Variants in SPEG observed in about 807,000 individuals in gnomAD.
SPEG encodes the protein striated muscle preferentially expressed protein kinase.
SPEG carries 114 observed loss-of-function variants against 300.4 expected under a neutral mutation model. That is an observed-to-expected ratio of 0.38 (90% confidence interval 0.33 to 0.44). SPEG has a LOEUF of 0.44. Ranked by LOEUF, SPEG falls within the 20% of genes least tolerant of loss-of-function variation. The pLI is 1.00. For missense variants in SPEG, 4,201 were observed against 4,586.2 expected (o/e 0.92, Z 2.43); for synonymous variants, 1,964 against 2,018.9 (o/e 0.97, Z 0.73).
rs1692017105 is a variant in SPEG at position 219,472,954 on chromosome 2, G to T, written c.4005G>T (p.Leu1335=). ...TGGGCTCGGACCAGTGGACGGCACT[G>T]GTCACAGGCCTGCGGGAGCCAGGGT... ...QVLGSDQWTA[L]VTGLREPGWA... is the part of the protein sequence containing the mutation. The change falls in exon 16 of 41, where the codon CTG becomes CTT. Residue 1335 remains leucine (L), a synonymous_variant. Coordinates refer to ENST00000312358, the MANE Select transcript of SPEG (RefSeq NM_005876.5). 3 of 1,613,720 alleles carry T rather than the reference G, an allele frequency of 1.9e-6. No homozygotes were observed. The highest frequency in any genetic ancestry group is 2.5e-6 in the Non-Finnish European group (3 of 1,180,006).
chr2:219,490,054 A>G, intron 36 of SPEG, 115 bp downstream of exon 36: 1 of 1,235,214 alleles, frequency 8.1e-7, no homozygotes. Flanking sequence ...AGGTGCTGAG[A>G]CCTGGGTTAT....
chr2:219,448,915 C>T lies in SPEG; in HGVS notation c.1757C>T (p.Pro586Leu), dbSNP rs890086925. 3 of 1,468,220 alleles carry T rather than the reference C, an allele frequency of 2.0e-6. No homozygotes were observed. The highest frequency in any genetic ancestry group is 1.5e-5 in the African/African-American group (1 of 67,694). The allele number at this position is 1,468,220 out of a possible 1,614,324, so 90.9% of individuals were successfully genotyped here. A position where few individuals can be genotyped will look rare whatever the true frequency, so the allele number is the denominator to read the frequency against. The part of the protein sequence containing the change: ...PAGRTEPGEG[P>L]QQEVRRRDQF... ...GGCAGGACAGAGCCGGGGGAAGGCC[C>T]GCAGCAGGAGGTTAGGCGTCGGGAC... Residue 586 changes from proline (P) to leucine (L), a missense_variant, in exon 4 of 41, where the codon CCG (proline) becomes CTG (leucine). By Grantham distance (98) the Pro-to-Leu change is moderately conservative (BLOSUM62 -3). This residue lies in a region of SPEG where 1,258 missense variants were observed against 1,293.9 expected (regional missense o/e 0.97). Transcript: ENST00000312358.
rs778394831 is a variant in SPEG, at chr2:219,448,422, G to A, written c.1264G>A (p.Ala422Thr). 6 of 1,522,574 alleles carry A rather than the reference G, an allele frequency of 3.9e-6. No homozygotes were observed. The South Asian group carries it at 4.9e-5, about 12-fold the overall frequency. 94.3% of individuals were successfully genotyped at this position (1,522,574 alleles called of 1,614,324 possible). The change falls in exon 4 of 41, where the codon GCG becomes ACG. Residue 422 changes from alanine to threonine, a missense_variant. This residue lies in a region of SPEG where 1,258 missense variants were observed against 1,293.9 expected (regional missense o/e 0.97). Coordinates refer to ENST00000312358, the MANE Select transcript of SPEG (RefSeq NM_005876.5). ...CCTGGAGCGCAGCGACTCGCCGCCG[G>A]CGCCCCTGCGGCCCTGGGTGCCCCT... ...RSLERSDSPP[A>T]PLRPWVPLRK...
At position 219,472,924 on chromosome 2, in the gene SPEG, G is replaced by C; in HGVS notation, c.3975G>C (p.Gln1325His). The C allele has an allele frequency of 6.2e-7, 1 of 1,612,968 alleles. No homozygotes were observed. Among genetic ancestry groups the C allele is most frequent in the South Asian group, 1.1e-5 (1 of 90,994 alleles). The change falls in exon 16 of 41, where the codon CAG (glutamine) becomes CAC (histidine). Residue 1325 changes from glutamine to histidine, a missense_variant. Gln to His is a conservative substitution (Grantham distance 24, BLOSUM62 0). Transcript: ENST00000312358. ...CCCTGACGTACACAGTGCAGCACCA[G>C]GTGCTGGGCTCGGACCAGTGGACGG... ...PDSLTYTVQHQVLGSDQWTAL... is the reference protein window; with the variant it reads ...PDSLTYTVQHHVLGSDQWTAL...
rs1691652384 is a variant in SPEG at position 219,469,205 on chromosome 2, G to C, written c.3541G>C (p.Glu1181Gln). 2 of 1,613,704 alleles carry C rather than the reference G, an allele frequency of 1.2e-6. No individual in the cohort carries two copies. The highest frequency in any genetic ancestry group is 4.5e-5 in the East Asian group (2 of 44,878). ...CATTCCCGAGGAGCCAGAGCAGGGT[G>C]AGCTGGAGCGGCTGTCCATTCCTGA... is the stretch of plus-strand genomic sequence containing the variant. ...PSIPEEPEQG[E>Q]LERLSIPDFL... Residue 1181 changes from glutamate (E) to glutamine (Q), a missense_variant, in exon 13 of 41, where the codon GAG (glutamate) becomes CAG (glutamine). Glu to Gln is a conservative substitution (Grantham distance 29). This residue lies in a region of SPEG where 1,047 missense variants were observed against 1,356.8 expected (regional missense o/e 0.77). Transcript: ENST00000312358.
chr2:219,483,170 C>T lies in SPEG; in HGVS notation c.5707C>T (p.Arg1903Trp), dbSNP rs762000831. 7.0e-5 allele frequency: 112 copies of T among 1,609,424 alleles called. No homozygotes were observed. Among genetic ancestry groups the T allele is most frequent in the Admixed American group, 1.5e-4 (9 of 59,840 alleles). ...CGAGCTGCTGCGGGCCCCCCCAGAG[C>T]GGGTGTGGGTGACCATGCCCAGAAG... ...IPELLRAPPERVWVTMPRRPP... is the reference protein window; with the variant it reads ...IPELLRAPPEWVWVTMPRRPP... Residue 1903 changes from arginine to tryptophan, a missense_variant, in exon 30 of 41, where the codon CGG becomes TGG. This residue lies in a region of SPEG where 1,578 missense variants were observed against 1,506.0 expected (regional missense o/e 1.05). Coordinates refer to ENST00000312358, the MANE Select transcript of SPEG (RefSeq NM_005876.5).
intron 13 of SPEG, among the ~76,000 whole-genome samples, chr2:219,471,307 G>A (rs1362149923): frequency 2.0e-5 from 3 of 152,298 alleles, no homozygotes; most frequent in Non-Finnish European, 4.4e-5. Context: ...TCGTTCAGGG[G>A]CCTGATAGTT....
In SPEG at chr2:219,445,885, C is replaced by T. The variant is rs376834613; in HGVS notation, c.815+724C>T. 2.6e-5 allele frequency among the ~76,000 whole-genome samples: 4 copies of T among 151,970 alleles called. No individual in the cohort carries two copies. Among genetic ancestry groups the T allele is most frequent in the African/African-American group, 7.3e-5 (3 of 41,324 alleles). ...CCCTGAGGGTGGGATTCAAGGTTGT[C>T]CCAGGAGGGGGTGTGAGGAGCGGAG... On this transcript the variant is annotated intron_variant, in intron 3 of 40. Coordinates refer to ENST00000312358, the MANE Select transcript of SPEG (RefSeq NM_005876.5). The surrounding 1 kb of genome is among the most constrained non-coding windows in gnomAD (Gnocchi z 6.1).
chr2:219,492,064 G>T, intron 39 of SPEG, 47 bp from the exon 40 acceptor site: 1 of 1,578,080 alleles, frequency 6.3e-7, no homozygotes, highest in Non-Finnish European at 8.6e-7. Context: ...GGGTCTGGGT[G>T]TTGGCCTCCG....
rs371062853 is a variant in SPEG at position 219,489,421 on chromosome 2, C to T, written c.8403C>T (p.Thr2801=). 1.9e-6 allele frequency: 3 copies of T among 1,613,388 alleles called. No homozygotes were observed. Among genetic ancestry groups the T allele is most frequent in the East Asian group, 2.2e-5 (1 of 44,860 alleles). The change falls in exon 36 of 41, where the codon ACC becomes ACT. Residue 2801 remains threonine (T), a synonymous_variant. Transcript: ENST00000312358. ...GGGCCCGGCCTCCTGACTCTCCTAC[C>T]TCACTGGCCCCACCCCTAGCTCCTG... is the stretch of plus-strand genomic sequence containing the variant. ...PARARPPDSP[T]SLAPPLAPAA...
In SPEG at chr2:219,451,807, G is replaced by A. The variant is rs1446580784; in HGVS notation, c.2440G>A (p.Gly814Ser). 1.6e-5 allele frequency: 24 copies of A among 1,533,572 alleles called. No homozygotes were observed. Among genetic ancestry groups the A allele is most frequent in the Admixed American group, 4.0e-5 (2 of 50,182 alleles). The allele number at this position is 1,533,572 out of a possible 1,614,324, so 95.0% of individuals were successfully genotyped here. A position where few individuals can be genotyped will look rare whatever the true frequency, so the allele number is the denominator to read the frequency against. ...TGCCGCCTCACTGACCGTGAGACCC[G>A]GTAGGGAGCCCATCAACCCTGGGGC... ...TCAASLTVRP[G>S]GSTSPFSSPI... The change falls in exon 6 of 41, where the codon GGT becomes AGT. Residue 814 changes from glycine (G) to serine (S), a missense_variant and splice_region_variant. Coordinates refer to ENST00000312358, the MANE Select transcript of SPEG (RefSeq NM_005876.5). This position sits in a 1 kb window ranked among gnomAD's most constrained non-coding sequence, Gnocchi z 6.4.
At chr2:219,452,749 C>A (rs994539573) in intron 6 of SPEG, among the ~76,000 whole-genome samples, 1 of 152,040 alleles carries the variant, frequency 6.6e-6, no homozygotes, top group Non-Finnish European at 1.5e-5. Context: ...ACGGGGAAGG[C>A]GGGACATGCC....
rs767846954 is a variant in SPEG at position 219,445,147 on chromosome 2, G to A, written c.801G>A (p.Ala267=). The A allele has an allele frequency of 6.3e-6, 10 of 1,575,830 alleles. No individual in the cohort carries two copies. The Admixed American group carries it at 1.1e-4, about 17-fold the overall frequency. The change falls in exon 3 of 41, where the codon GCG becomes GCA. Residue 267 remains alanine (A), a synonymous_variant. Coordinates refer to ENST00000312358, the MANE Select transcript of SPEG (RefSeq NM_005876.5). The surrounding 1 kb of genome is among the most constrained non-coding windows in gnomAD (Gnocchi z 6.1). ...GSAFSLYRGR[A]LSIHVSVPQS... ...CATTCAGCCTGTACAGAGGACGGGC[G>A]CTCTCTATCCACGTGTAAGTAACGG...
At chr2:219,461,491 T>C (rs1690691688) in intron 6 of SPEG, 2 of 1,078,428 alleles carry the variant, frequency 1.9e-6, no homozygotes, top group Non-Finnish European at 2.2e-6. Context: ...TCCATAGACC[T>C]GCTTCCCCTG....
chr2:219,470,863 G>A (rs571589941), intron 13 of SPEG, among the ~76,000 whole-genome samples: 7 of 152,318 alleles, frequency 4.6e-5, no homozygotes, highest in East Asian at 1.9e-4. Context: ...AAGGATTCAC[G>A]AGGGGGAAAG....
In SPEG at chr2:219,477,111, C is replaced by A; in HGVS notation, c.4560+129C>A. 9.9e-7 allele frequency: 1 copy of A among 1,013,618 alleles called. No homozygotes were observed. Among genetic ancestry groups the A allele is most frequent in the Non-Finnish European group, 1.4e-6 (1 of 700,648 alleles). 62.8% of individuals were successfully genotyped at this position (1,013,618 alleles called of 1,614,324 possible). A position where few individuals can be genotyped will look rare whatever the true frequency, so the allele number is the denominator to read the frequency against. On this transcript the variant is annotated intron_variant, in intron 19 of 40. Coordinates refer to ENST00000312358, the MANE Select transcript of SPEG (RefSeq NM_005876.5). This position sits in a 1 kb window ranked among gnomAD's most constrained non-coding sequence, Gnocchi z 6.4. ...GTGGTTAGGAGGAGGAAAGGGGCTG[C>A]AGAGGACTGACTAGCTGAGGGGTGC... is the stretch of plus-strand genomic sequence containing the variant.
rs777281168 is a variant in SPEG, at chr2:219,490,451, G to C, written c.8964G>C (p.Thr2988=). 6.2e-7 allele frequency: 1 copy of C among 1,612,984 alleles called. No individual in the cohort carries two copies. The highest frequency in any genetic ancestry group is 1.7e-5 in the Admixed American group (1 of 60,018). ...TGCGAGCGTGCCGGGAGAATGCCACGGGGCGAACGTTCGTGGCCAAGATCG... is the reference window on the plus strand; with the variant it reads ...TGCGAGCGTGCCGGGAGAATGCCACCGGGCGAACGTTCGTGGCCAAGATCG... ...GVVRACRENA[T]GRTFVAKIVP... Residue 2988 remains threonine (T), a synonymous_variant, in exon 37 of 41, where the codon ACG becomes ACC. Coordinates refer to ENST00000312358, the MANE Select transcript of SPEG (RefSeq NM_005876.5).
In SPEG at chr2:219,489,532, G is replaced by A. The variant is rs772787675; in HGVS notation, c.8514G>A (p.Val2838=). 1.2e-6 allele frequency: 2 copies of A among 1,612,262 alleles called. No individual in the cohort carries two copies. Among genetic ancestry groups the A allele is most frequent in the South Asian group, 2.2e-5 (2 of 91,030 alleles). Residue 2838 remains valine (V), a synonymous_variant, in exon 36 of 41, where the codon GTG becomes GTA. Transcript: ENST00000312358. ...AGGCCTTGTCCTCGCTCAAGGCTGT[G>A]GGTCCACCACCCCAAACCCCTCCAC... The part of the protein sequence containing the change: ...PSQALSSLKA[V]GPPPQTPPRR...
chr2:219,478,200 T>A, intron 22 of SPEG, 95 bp downstream of exon 22: 2 of 1,093,388 alleles, frequency 1.8e-6, no homozygotes, highest in Non-Finnish European at 2.7e-6. Flanking sequence ...GTTTACAAAG[T>A]AGTCCCAATT....
Sources: gnomAD v4.1 joint callset for allele counts (sites outside exome capture counted in the v4.1 genomes callset) on GRCh38, gnomAD v4.1.1 for gene constraint, gnomAD v4.1.1 regional missense constraint, Gnocchi (gnomAD v3.1) non-coding constraint, MANE v1.5 for transcripts, NCBI Gene and HGNC (gene_info 2026-07-23, HGNC 2026-07-21) for gene names.